Variants in MICU2 observed in about 807,000 individuals in gnomAD.
MICU2 encodes the protein calcium uptake protein 2, mitochondrial.
A neutral mutation model predicts 60.4 loss-of-function variants in MICU2; 64 were observed. The ratio of observed to expected loss-of-function variants is 1.06; its 90% confidence interval spans 0.87 to 1.31. MICU2 has a LOEUF of 1.31. MICU2 is among the 50% of genes most tolerant of loss of function. The pLI is 0.00. For missense variants in MICU2, 569 were observed against 531.0 expected, an observed-to-expected ratio of 1.07 and a Z score of -0.70; for synonymous variants, 201 against 175.0, an observed-to-expected ratio of 1.15 and a Z score of -1.17.
chr13:21,510,053 AACGCATCTG>A lies in MICU2; in HGVS notation c.703_711del (p.Gln235_Arg237del). ...TTTCTTTGTCCTCTTTTTCCAAAGA[AACGCATCTG>A]AAGAGTTGTGTTAATTTCAGGTTCT... On this transcript the variant is annotated inframe_deletion, in exon 8 of 12. Transcript: ENST00000382374. 1 of 1,543,738 alleles carries A rather than the reference AACGCATCTG, an allele frequency of 6.5e-7. No homozygotes were observed. Among genetic ancestry groups the A allele is most frequent in the Non-Finnish European group, 8.7e-7 (1 of 1,151,542 alleles).
chr13:21,589,495 G>T (rs947531633), intron 1 of MICU2, among the ~76,000 whole-genome samples: 2 of 152,140 alleles, frequency 1.3e-5, no homozygotes, highest in Non-Finnish European at 2.9e-5. Flanking sequence ...AGCTGTTAAG[G>T]AAACACAAGG....
chr13:21,576,998 G>A (rs529715410), intron 1 of MICU2, among the ~76,000 whole-genome samples: 22 of 152,186 alleles, frequency 1.4e-4, no homozygotes, highest in Non-Finnish European at 2.8e-4. Context: ...TTGAATTCAG[G>A]AGCAGATTTG....
rs777791005 is a variant in MICU2, at chr13:21,495,217, G to A, written c.1144C>T (p.Leu382Phe). The A allele has an allele frequency of 6.2e-7, 1 of 1,613,268 alleles. No individual in the cohort carries two copies. The highest frequency in any genetic ancestry group is 8.5e-7 in the Non-Finnish European group (1 of 1,179,658). The change falls in exon 11 of 12, where the codon CTT (leucine) becomes TTT (phenylalanine). Residue 382 changes from leucine (L) to phenylalanine (F), a missense_variant. By Grantham distance (22) the Leu-to-Phe change is conservative. Coordinates refer to ENST00000382374, the MANE Select transcript of MICU2 (RefSeq NM_152726.3). The stretch of plus-strand genomic sequence containing the variant: ...ACCCCAAGAAACTCTTCATGACTAA[G>A]ACATTCATCACCATCCAAATCAAAG... ...KIFDLDGDEC[L>F]SHEEFLGVLK...
intron 7 of MICU2, among the ~76,000 whole-genome samples, chr13:21,512,649 C>T (rs1001515622): frequency 1.4e-4 from 22 of 152,120 alleles, no homozygotes; most frequent in South Asian, 4.2e-4. Context: ...CAGGGTTTCA[C>T]CATGTTAGCC....
intron 9 of MICU2, among the ~76,000 whole-genome samples, chr13:21,498,635 T>TC (rs1886065394): frequency 6.6e-6 from 1 of 152,134 alleles, no homozygotes; most frequent in Non-Finnish European, 1.5e-5. Flanking sequence ...CACCTCAGCC[T>TC]CCCAAAGTGC....
intron 2 of MICU2, among the ~76,000 whole-genome samples, chr13:21,563,983 C>T (rs747445186): frequency 6.6e-6 from 1 of 152,010 alleles, no homozygotes; most frequent in Non-Finnish European, 1.5e-5. Flanking sequence ...CAAAGGCATT[C>T]TTCATTTCTG....
At chr13:21,501,842 T>G (rs1468138288) in intron 9 of MICU2, among the ~76,000 whole-genome samples, 2 of 152,320 alleles carry the variant, frequency 1.3e-5, no homozygotes, top group Middle Eastern at 6.8e-3. Flanking sequence ...AACTCCAAGA[T>G]GGCACAGCCT....
chr13:21,497,717 C>CA (rs930108700), intron 9 of MICU2, among the ~76,000 whole-genome samples: 5 of 152,122 alleles, frequency 3.3e-5, no homozygotes, highest in African/African-American at 1.2e-4. Context: ...CAAAAACAAA[C>CA]AAACAAAACA....
At chr13:21,504,119 C>T (rs1886241017) in intron 8 of MICU2, among the ~76,000 whole-genome samples, 1 of 152,028 alleles carries the variant, frequency 6.6e-6, no homozygotes, top group African/African-American at 2.4e-5. Context: ...TTCATCAATG[C>T]CATGTTTCTT....
rs367861684 is a variant in MICU2, at chr13:21,523,550, T to A, written c.467-900A>T. Among the ~76,000 whole-genome samples, 79 of 152,358 alleles carry A rather than the reference T, an allele frequency of 5.2e-4. 2 individuals are homozygous for A. In the South Asian group the frequency reaches 0.016, roughly 31 times the overall value. Reference sequence around the variant, plus strand: ...GTAACTTGATTTTTCCTTTGGGAAATCATTCTTTGTCAGTCTCAAATATGC... The same window carrying A: ...GTAACTTGATTTTTCCTTTGGGAAAACATTCTTTGTCAGTCTCAAATATGC... On this transcript the variant is annotated intron_variant, in intron 4 of 11. Coordinates refer to ENST00000382374, the MANE Select transcript of MICU2 (RefSeq NM_152726.3).
intron 1 of MICU2, among the ~76,000 whole-genome samples, chr13:21,567,200 C>T (rs1441519789): frequency 2.6e-5 from 4 of 152,106 alleles, no homozygotes; most frequent in Non-Finnish European, 2.9e-5. Flanking sequence ...TAATGTAAAA[C>T]GGTAAGAAGT....
At chr13:21,517,570 G>A (rs1020853702) in intron 6 of MICU2, among the ~76,000 whole-genome samples, 3 of 152,136 alleles carry the variant, frequency 2.0e-5, no homozygotes, top group Non-Finnish European at 4.4e-5. Flanking sequence ...GAGGTCAGGA[G>A]CTCGAGACCA....
chr13:21,512,867 T>A (rs1886466760), intron 7 of MICU2, among the ~76,000 whole-genome samples: 1 of 152,230 alleles, frequency 6.6e-6, no homozygotes, highest in African/African-American at 2.4e-5. Context: ...GTTTAGCTCT[T>A]ACATCTACTT....
chr13:21,502,502 G>T (rs79895178), intron 9 of MICU2, among the ~76,000 whole-genome samples: 7,317 of 152,032 alleles, frequency 0.048, 579 homozygotes, highest in African/African-American at 0.17. Flanking sequence ...CATTGTGACA[G>T]GTACTTTATT....
intron 4 of MICU2, among the ~76,000 whole-genome samples, chr13:21,533,425 G>A (rs1345682257): frequency 1.0e-4 from 15 of 150,498 alleles, no homozygotes; most frequent in Admixed American, 8.7e-4. Context: ...CCGGGTTCAC[G>A]CCATTCCCCT....
chr13:21,538,850 G>C (rs758644263), intron 4 of MICU2, among the ~76,000 whole-genome samples: 85 of 152,180 alleles, frequency 5.6e-4, no homozygotes, highest in South Asian at 4.1e-4. Context: ...AACACTTCCA[G>C]CTGCTAAATA....
In MICU2 at chr13:21,517,922, T is replaced by A. The variant is rs562922963; in HGVS notation, c.597+3323A>T. Among the ~76,000 whole-genome samples the A allele has an allele frequency of 1.3e-3, 191 of 152,282 alleles. 1 individual carries two copies. In the South Asian group the frequency reaches 0.022, roughly 17 times the overall value. ...TTTCCTCTTCAATGCTGTTTTTTTT[T>A]AAAATGACATGCTGTATCACGCTCT... On this transcript the variant is annotated intron_variant, in intron 6 of 11. Coordinates refer to ENST00000382374, the MANE Select transcript of MICU2 (RefSeq NM_152726.3).
At chr13:21,512,871 T>A (rs1440471364) in intron 7 of MICU2, among the ~76,000 whole-genome samples, 1 of 152,214 alleles carries the variant, frequency 6.6e-6, no homozygotes, top group Non-Finnish European at 1.5e-5. Flanking sequence ...AGCTCTTACA[T>A]CTACTTGAAT....
chr13:21,593,561 C>A (rs1888629772), intron 1 of MICU2, among the ~76,000 whole-genome samples: 3 of 45,788 alleles, frequency 6.6e-5, no homozygotes, highest in Middle Eastern at 0.025. Context: ...ATTGCAAAGA[C>A]AATCCTAAGC....
Sources: gnomAD v4.1 joint callset for allele counts (sites outside exome capture counted in the v4.1 genomes callset) on GRCh38, gnomAD v4.1.1 for gene constraint, MANE v1.5 for transcripts, NCBI Gene and HGNC (gene_info 2026-07-23, HGNC 2026-07-21) for gene names.